Variants in ATF7IP2 observed in about 807,000 individuals in gnomAD.
ATF7IP2 encodes the protein activating transcription factor 7-interacting protein 2.
In ATF7IP2, 42 loss-of-function variants were observed where a neutral mutation model predicts 64.2. The ratio of observed to expected loss-of-function variants is 0.65; its 90% confidence interval spans 0.51 to 0.85. ATF7IP2 has a LOEUF of 0.85. ATF7IP2 is among the 40% of genes least tolerant of loss of function. The pLI is 0.00. For synonymous variants in ATF7IP2, 308 were observed against 272.8 expected, an observed-to-expected ratio of 1.13 and a Z score of -1.27; for missense variants, 933 against 784.2, an observed-to-expected ratio of 1.19 and a Z score of -2.27.
At chr16:10,425,775 C>A (rs541068995) in intron 3 of ATF7IP2, among the ~76,000 whole-genome samples, 1 of 152,114 alleles carries the variant, frequency 6.6e-6, no homozygotes, top group South Asian at 2.1e-4. Flanking sequence ...CGCCTATAAT[C>A]CCAGCTGTTC....
chr16:10,430,697 T>G lies in ATF7IP2; in HGVS notation c.77T>G (p.Val26Gly), dbSNP rs754337560. The change falls in exon 5 of 14, where the codon GTA (valine) becomes GGA (glycine). Residue 26 changes from valine to glycine, a missense_variant. By Grantham distance (109) the Val-to-Gly change is moderately radical. Coordinates refer to ENST00000562102, the MANE Select transcript of ATF7IP2 (RefSeq NM_001393719.1). ...KTMPLSCRKQ[V>G]EMLNKSRNVE... ...ATGCCCCTAAGTTGCCGGAAGCAAG[T>G]AGAGATGCTGAATAAGTCAAGGAAT... is the stretch of plus-strand genomic sequence containing the variant. 3 of 1,614,032 alleles carry G rather than the reference T, an allele frequency of 1.9e-6. No homozygotes were observed. The highest frequency in any genetic ancestry group is 2.5e-6 in the Non-Finnish European group (3 of 1,180,008).
intron 2 of ATF7IP2, among the ~76,000 whole-genome samples, chr16:10,417,566 C>T (rs1175903863): frequency 6.6e-6 from 1 of 151,998 alleles, no homozygotes; most frequent in Non-Finnish European, 1.5e-5. Flanking sequence ...AACACTGGGC[C>T]ACCCAGATTC....
chr16:10,443,451 A>T (rs1401950085), intron 8 of ATF7IP2, among the ~76,000 whole-genome samples: 1 of 152,194 alleles, frequency 6.6e-6, no homozygotes, highest in Non-Finnish European at 1.5e-5. Flanking sequence ...AAGGCCATGC[A>T]AGTAGAAAGC....
At position 10,469,977 on chromosome 16, in the gene ATF7IP2, CA is replaced by C. The variant is rs538207840; in HGVS notation, c.1353-2125del. Among the ~76,000 whole-genome samples the C allele has an allele frequency of 1.0e-4, 15 of 148,188 alleles. No individual in the cohort carries two copies. The South Asian group carries it at 1.9e-3, about 19-fold the overall frequency. ...TAGGGGAAAAACAGACTTTTTAAGC[CA>C]AAAAAAAGGGAGAGAATACATCAAC... On this transcript the variant is annotated intron_variant, in intron 9 of 13. Coordinates refer to ENST00000562102, the MANE Select transcript of ATF7IP2 (RefSeq NM_001393719.1).
intron 1 of ATF7IP2, among the ~76,000 whole-genome samples, chr16:10,390,138 T>C (rs1353523920): frequency 6.6e-6 from 1 of 152,152 alleles, no homozygotes. Flanking sequence ...ATTAAAGTGT[T>C]TATTATGTAT....
intron 3 of ATF7IP2, among the ~76,000 whole-genome samples, chr16:10,424,630 C>T (rs201769411): frequency 3.3e-4 from 50 of 152,236 alleles, no homozygotes; most frequent in African/African-American, 1.1e-3. Context: ...GGAACTCTTA[C>T]AAGCCAGTAA....
At chr16:10,409,770 G>T (rs1211277088) in intron 1 of ATF7IP2, among the ~76,000 whole-genome samples, 1 of 152,206 alleles carries the variant, frequency 6.6e-6, no homozygotes, top group Non-Finnish European at 1.5e-5. Flanking sequence ...TGAGAGATGA[G>T]GATCCAGTTT....
Position 10,480,925 on chromosome 16 carries a change from C to G in ATF7IP2, c.1596C>G (p.Asn532Lys). 1.2e-6 allele frequency: 2 copies of G among 1,613,216 alleles called. No individual in the cohort carries two copies. Among genetic ancestry groups the G allele is most frequent in the Non-Finnish European group, 8.5e-7 (1 of 1,179,234 alleles). ...AGTCACATTCGAAAGCTGCTTCAAA[C>G]TCAAAGGAAACAACCCCATTGGCAC... The part of the protein sequence containing the change: ...PLESHSKAAS[N>K]SKETTPLAQN... Residue 532 changes from asparagine (N) to lysine (K), a missense_variant, in exon 13 of 14, where the codon AAC (asparagine) becomes AAG (lysine). Transcript: ENST00000562102.
chr16:10,395,927 A>T (rs1014461515), intron 1 of ATF7IP2, among the ~76,000 whole-genome samples: 1 of 147,384 alleles, frequency 6.8e-6, no homozygotes, highest in South Asian at 2.2e-4. Context: ...AATGAAGCCC[A>T]TTTTTTTTTT....
At chr16:10,457,707 G>T (rs569606971) in intron 9 of ATF7IP2, 178 bp downstream of exon 9, 21 of 456,542 alleles carry the variant, frequency 4.6e-5, no homozygotes, top group African/African-American at 4.1e-4. Flanking sequence ...TTGGTTTTTG[G>T]GTTTTCTGGT....
chr16:10,437,818 T>C (rs1346619173), intron 6 of ATF7IP2, among the ~76,000 whole-genome samples: 1 of 152,208 alleles, frequency 6.6e-6, no homozygotes, highest in Non-Finnish European at 1.5e-5. Flanking sequence ...CTATAATGTA[T>C]AGTATGGAAT....
At chr16:10,445,528 G>A (rs141046868) in intron 8 of ATF7IP2, 1 of 145,988 alleles carries the variant, frequency 6.8e-6, no homozygotes, top group African/African-American at 2.6e-5. Context: ...ATTTGAGACA[G>A]GGCTTTACTC....
intron 1 of ATF7IP2, among the ~76,000 whole-genome samples, chr16:10,408,876 G>T (rs2047694990): frequency 6.6e-6 from 1 of 152,068 alleles, no homozygotes; most frequent in Admixed American, 6.6e-5. Flanking sequence ...TGTTTTTGTT[G>T]CATTTGCTTT....
chr16:10,478,054 A>G (rs548013523), intron 12 of ATF7IP2, among the ~76,000 whole-genome samples: 197 of 151,484 alleles, frequency 1.3e-3, no homozygotes, highest in Non-Finnish European at 2.2e-3. Flanking sequence ...GGAAGAATCA[A>G]TATCATGAAA....
intron 3 of ATF7IP2, among the ~76,000 whole-genome samples, chr16:10,420,062 T>G (rs1175958654): frequency 1.3e-5 from 2 of 152,236 alleles, no homozygotes; most frequent in African/African-American, 4.8e-5. Flanking sequence ...AACGGCTGTT[T>G]CGGGGAGAGA....
intron 1 of ATF7IP2, among the ~76,000 whole-genome samples, chr16:10,409,998 C>A (rs1457411602): frequency 1.3e-5 from 2 of 152,154 alleles, no homozygotes; most frequent in African/African-American, 2.4e-5. Context: ...AGTTTGAAGT[C>A]AGGTAATGTG....
At chr16:10,433,762 AGCT>A (rs1192691464) in intron 6 of ATF7IP2, 113 bp downstream of exon 6, 12 of 1,240,492 alleles carry the variant, frequency 9.7e-6, no homozygotes, top group Non-Finnish European at 1.4e-5. Flanking sequence ...CTTGCTGCAG[AGCT>A]GGTGTGTGAA....
At chr16:10,465,626 C>G (rs1026033321) in intron 9 of ATF7IP2, among the ~76,000 whole-genome samples, 11 of 150,318 alleles carry the variant, frequency 7.3e-5, no homozygotes, top group African/African-American at 2.7e-4. Context: ...GTAGTCCCAG[C>G]TACTCAGGAG....
chr16:10,404,207 A>G (rs1332956738), intron 1 of ATF7IP2, among the ~76,000 whole-genome samples: 2 of 152,212 alleles, frequency 1.3e-5, no homozygotes, highest in Non-Finnish European at 2.9e-5. Flanking sequence ...CTAATCACCT[A>G]TAAAAGAAAC....
Sources: allele counts gnomAD v4.1 joint callset (sites outside exome capture counted in the v4.1 genomes callset), GRCh38; gene constraint gnomAD v4.1.1; transcripts MANE v1.5; gene names NCBI Gene and HGNC (gene_info 2026-07-23, HGNC 2026-07-21).